MTA3: variants seen among roughly 807,000 people sequenced by gnomAD.
The protein encoded by MTA3 is metastasis-associated protein MTA3.
A neutral mutation model predicts 83.5 loss-of-function variants in MTA3; 34 were observed. The ratio of observed to expected loss-of-function variants is 0.41; its 90% CI spans 0.31 to 0.54. The LOEUF (loss-of-function observed/expected upper bound fraction) is 0.54, where lower values mean the gene tolerates loss of function less well. Ranked by LOEUF, MTA3 falls within the 20% of genes least tolerant of loss-of-function variation. The probability of loss-of-function intolerance (pLI) is 0.33; values close to 1 mark genes in which losing one functional copy is unlikely to be tolerated. For missense variants in MTA3, 761 were observed against 726.4 expected, an observed-to-expected ratio of 1.05 and a Z score of -0.55; for synonymous variants, 303 against 252.7, an observed-to-expected ratio of 1.20 and a Z score of -1.89.
intron 8 of MTA3, among the ~76,000 whole-genome samples, chr2:42,673,092 C>G (rs796235586): frequency 1.3e-5 from 2 of 151,718 alleles, no homozygotes; most frequent in African/African-American, 4.8e-5. Context: ...AGTGATCCAC[C>G]CCCGCCCCCC....
At chr2:42,510,394 C>A (rs1023317320) in intron 2 of MTA3, among the ~76,000 whole-genome samples, 2 of 151,780 alleles carry the variant, frequency 1.3e-5, no homozygotes, top group Non-Finnish European at 2.9e-5. Flanking sequence ...CCTGTTATTC[C>A]TTACTCAGCA....
At chr2:42,723,499 G>A (rs1667580830) in intron 16 of MTA3, among the ~76,000 whole-genome samples, 1 of 152,128 alleles carries the variant, frequency 6.6e-6, no homozygotes, top group South Asian at 2.1e-4. Flanking sequence ...AGTGCTACAT[G>A]TCATGAAAGG....
chr2:42,601,442 C>A (rs1304953105), intron 3 of MTA3, among the ~76,000 whole-genome samples: 1 of 152,206 alleles, frequency 6.6e-6, no homozygotes, highest in Non-Finnish European at 1.5e-5. Context: ...ATACTGCTCA[C>A]AACACTGTGT....
chr2:42,744,907 C>G (rs1488995701), intron 16 of MTA3, among the ~76,000 whole-genome samples: 1 of 152,132 alleles, frequency 6.6e-6, no homozygotes, highest in African/African-American at 2.4e-5. Context: ...TGAGGAGAAG[C>G]CTTCTGAATC....
chr2:42,655,659 G>C (rs984447897), intron 6 of MTA3, among the ~76,000 whole-genome samples: 2 of 152,152 alleles, frequency 1.3e-5, no homozygotes, highest in African/African-American at 4.8e-5. Context: ...TTGGAGTACA[G>C]TGGCGCAATC....
At chr2:42,615,846 G>T (rs1418126674) in intron 4 of MTA3, among the ~76,000 whole-genome samples, 3 of 142,646 alleles carry the variant, frequency 2.1e-5, no homozygotes, top group Non-Finnish European at 4.5e-5. Context: ...TGAATCTCCA[G>T]AGTAGCTGGG....
chr2:42,730,370 A>G (rs1347286039), intron 16 of MTA3, among the ~76,000 whole-genome samples: 1 of 152,120 alleles, frequency 6.6e-6, no homozygotes, highest in African/African-American at 2.4e-5. Context: ...TATGGCTTTT[A>G]TTGTGTTGAA....
chr2:42,569,228 G>C (rs1039572491), intron 1 of MTA3, among the ~76,000 whole-genome samples: 1 of 151,922 alleles, frequency 6.6e-6, no homozygotes, highest in Non-Finnish European at 1.5e-5. Context: ...GGCCCAGCCA[G>C]GGGCCCAGCT....
At chr2:42,540,367 G>T (rs774454399) in intron 2 of MTA3, among the ~76,000 whole-genome samples, 1 of 150,796 alleles carries the variant, frequency 6.6e-6, no homozygotes, top group Middle Eastern at 3.2e-3. Context: ...TAGAGATGGG[G>T]TCTTCTATGT....
At chr2:42,710,020 C>A (rs1418094793) in intron 14 of MTA3, among the ~76,000 whole-genome samples, 2 of 152,128 alleles carry the variant, frequency 1.3e-5, no homozygotes, top group Non-Finnish European at 2.9e-5. Flanking sequence ...TAGAGCCGTG[C>A]AGCTTTTGTT....
At chr2:42,507,344 T>C (rs1299259606) in intron 2 of MTA3, among the ~76,000 whole-genome samples, 2 of 151,972 alleles carry the variant, frequency 1.3e-5, no homozygotes, top group Non-Finnish European at 2.9e-5. Context: ...GCTAATGTCA[T>C]TTTTTTATAT....
chr2:42,626,137 G>T (rs1254579928), intron 4 of MTA3, among the ~76,000 whole-genome samples: 1 of 150,992 alleles, frequency 6.6e-6, no homozygotes. Context: ...TAGAGATGGG[G>T]TTTCACAGTG....
chr2:42,684,834 A>C (rs1331429388), intron 9 of MTA3, among the ~76,000 whole-genome samples: 3 of 152,238 alleles, frequency 2.0e-5, no homozygotes, highest in Non-Finnish European at 4.4e-5. Context: ...ATGCAACAAA[A>C]ATTGAATGTG....
At chr2:42,604,552 G>A (rs985797646) in intron 3 of MTA3, among the ~76,000 whole-genome samples, 1 of 148,984 alleles carries the variant, frequency 6.7e-6, no homozygotes, top group African/African-American at 2.5e-5. Context: ...TTCTTACTTG[G>A]TCTGCTCTGA....
At chr2:42,741,425 A>T (rs1363106445) in intron 16 of MTA3, among the ~76,000 whole-genome samples, 1 of 152,238 alleles carries the variant, frequency 6.6e-6, no homozygotes, top group Non-Finnish European at 1.5e-5. Context: ...TTGGTGCAAG[A>T]GGCCTGACTT....
chr2:42,700,617 T>A lies in MTA3; in HGVS notation c.1025+2783T>A, dbSNP rs1384424119. ...CTGGGTTAAATATCAGAAATTTTCA[T>A]ATTTCTGGTAAACCTCTGGCCAGTC... On this transcript the variant is annotated intron_variant, in intron 11 of 16. Coordinates refer to ENST00000405094, the MANE Select transcript of MTA3 (RefSeq NM_001330442.2). Among the ~76,000 whole-genome samples, 5 of 152,210 alleles carry A rather than the reference T, an allele frequency of 3.3e-5. 1 individual carries two copies. Among genetic ancestry groups the A allele is most frequent in the Non-Finnish European group, 7.3e-5 (5 of 68,034 alleles).
intron 4 of MTA3, among the ~76,000 whole-genome samples, chr2:42,611,196 G>T (rs894950643): frequency 3.3e-5 from 5 of 151,622 alleles, no homozygotes; most frequent in Non-Finnish European, 7.4e-5. Context: ...TGTTGGCCAG[G>T]CTGGTCTCGA....
intron 2 of MTA3, among the ~76,000 whole-genome samples, chr2:42,510,720 G>C (rs1248204755): frequency 6.6e-6 from 1 of 152,154 alleles, no homozygotes; most frequent in African/African-American, 2.4e-5. Context: ...AACTGTTTGG[G>C]TGCTGGAGAT....
chr2:42,515,558 A>G (rs952168220), intron 2 of MTA3, among the ~76,000 whole-genome samples: 3 of 151,624 alleles, frequency 2.0e-5, no homozygotes, highest in African/African-American at 7.3e-5. Context: ...GCTAGAGTGC[A>G]GTGGTATGAT....
Sources: gnomAD v4.1 joint callset for allele counts (sites outside exome capture counted in the v4.1 genomes callset) on GRCh38, gnomAD v4.1.1 for gene constraint, MANE v1.5 for transcripts, NCBI Gene and HGNC (gene_info 2026-07-23, HGNC 2026-07-21) for gene names.